The following CRYBG1 variants were observed in gnomAD, a reference collection of about 807,000 sequenced individuals.
CRYBG1 encodes the protein beta/gamma crystallin domain-containing protein 1.
CRYBG1 carries 139 observed loss-of-function variants against 189.2 expected under a neutral mutation model. The ratio of observed to expected loss-of-function variants is 0.73; its 90% CI spans 0.64 to 0.85. The LOEUF (loss-of-function observed/expected upper bound fraction) is 0.85, where lower values mean the gene tolerates loss of function less well. CRYBG1 is among the 40% of genes least tolerant of loss of function. CRYBG1 has a pLI of 0.00. For missense variants in CRYBG1, 2,611 were observed against 2,675.8 expected (o/e 0.98, Z 0.53); for synonymous variants, 1,023 against 1,017.1 (o/e 1.01, Z -0.11).
In CRYBG1 at chr6:106,457,978, TA is replaced by T. The variant is rs546394183; in HGVS notation, c.312+6151del. Reference sequence around the variant, plus strand: ...ATTAATAAACTATGGAAATATACATTAAAAACTAATAATAATTACATGTGGT... The same window carrying T: ...ATTAATAAACTATGGAAATATACATTAAAACTAATAATAATTACATGTGGT... On this transcript the variant is annotated intron_variant, in intron 2 of 21. Coordinates refer to ENST00000633556, the MANE Select transcript of CRYBG1 (RefSeq NM_001371242.2). 6.7e-3 allele frequency among the ~76,000 whole-genome samples: 1,025 copies of T among 152,346 alleles called. 11 individuals carry two copies. The highest frequency in any genetic ancestry group is 0.023 in the African/African-American group (957 of 41,586).
chr6:106,475,347 A>C (rs1772313517), intron 2 of CRYBG1, among the ~76,000 whole-genome samples: 1 of 152,214 alleles, frequency 6.6e-6, no homozygotes. Context: ...TACACGAAAA[A>C]GTTAAAACAG....
At chr6:106,456,683 T>C (rs1437412408) in intron 2 of CRYBG1, among the ~76,000 whole-genome samples, 5 of 152,204 alleles carry the variant, frequency 3.3e-5, no homozygotes, top group Non-Finnish European at 7.3e-5. Context: ...CTCTGTTTCA[T>C]TTCTCTTCTA....
intron 2 of CRYBG1, among the ~76,000 whole-genome samples, chr6:106,467,850 A>T (rs1772145118): frequency 6.6e-6 from 1 of 152,190 alleles, no homozygotes; most frequent in African/African-American, 2.4e-5. Flanking sequence ...ATATTGACAT[A>T]TTATGATATT....
intron 8 of CRYBG1, among the ~76,000 whole-genome samples, chr6:106,536,661 T>C (rs1774010386): frequency 6.6e-6 from 1 of 152,254 alleles, no homozygotes. Context: ...AGATGGCCAT[T>C]GTTATTACTT....
chr6:106,432,400 C>T (rs1771347159), intron 1 of CRYBG1, among the ~76,000 whole-genome samples: 1 of 152,210 alleles, frequency 6.6e-6, no homozygotes. Context: ...CACTCCCTTT[C>T]TCATTTCCTC....
At chr6:106,454,944 C>T (rs933125718) in intron 2 of CRYBG1, 2 of 152,230 alleles carry the variant, frequency 1.3e-5, no homozygotes, top group African/African-American at 4.8e-5. Flanking sequence ...AAGACATTTA[C>T]TATACCTGCT....
chr6:106,440,505 G>A (rs868616997), intron 1 of CRYBG1, among the ~76,000 whole-genome samples: 5 of 152,102 alleles, frequency 3.3e-5, no homozygotes, highest in African/African-American at 1.2e-4. Context: ...GATCTCAAGC[G>A]ATCCACCTGC....
intron 2 of CRYBG1, among the ~76,000 whole-genome samples, chr6:106,469,606 A>G (rs1323592778): frequency 3.3e-5 from 5 of 152,034 alleles, no homozygotes; most frequent in Non-Finnish European, 7.4e-5. Context: ...ATTTGGTTTG[A>G]TTTATTGATT....
chr6:106,520,560 G>A lies in CRYBG1; in HGVS notation c.3352G>A (p.Ala1118Thr), dbSNP rs150778380. Residue 1118 changes from alanine to threonine, a missense_variant, in exon 4 of 22, where the codon GCA becomes ACA. Ala to Thr is a moderately conservative substitution (Grantham distance 58, BLOSUM62 0). Around this residue, in one of 3 missense-constraint regions of CRYBG1, gnomAD observed 1,622 missense variants for 1,735.0 expected, o/e 0.93. Transcript: ENST00000633556. ...FTEIIKQMDSAVCMPMKRKKA... is the reference protein window; with the variant it reads ...FTEIIKQMDSTVCMPMKRKKA... ...TGAAATTATAAAACAGATGGATAGC[G>A]CAGTTTGTATGCCCATGAAAAGAAA... is the stretch of plus-strand genomic sequence containing the variant. 1.5e-4 allele frequency: 236 copies of A among 1,614,092 alleles called. No individual in the cohort carries two copies. The African/African-American group carries it at 2.8e-3, about 19-fold the overall frequency.
chr6:106,521,055 G>A lies in CRYBG1; in HGVS notation c.3847G>A (p.Val1283Met). The A allele has an allele frequency of 6.2e-7, 1 of 1,614,180 alleles. No individual in the cohort carries two copies. The highest frequency in any genetic ancestry group is 1.3e-5 in the African/African-American group (1 of 75,038). The change falls in exon 4 of 22, where the codon GTG becomes ATG. Residue 1283 changes from valine to methionine, a missense_variant. Physicochemically the swap from Val to Met is conservative, Grantham distance 21 (BLOSUM62 1). Coordinates refer to ENST00000633556, the MANE Select transcript of CRYBG1 (RefSeq NM_001371242.2). ...SQNGSLSQSS[V>M]SQPTTEGAPP... ...GAACGGTTCCCTATCTCAGTCTTCA[G>A]TGTCACAGCCCACGACTGAGGGTGC...
intron 1 of CRYBG1, among the ~76,000 whole-genome samples, chr6:106,437,849 C>T (rs1771490848): frequency 6.6e-6 from 1 of 152,146 alleles, no homozygotes; most frequent in African/African-American, 2.4e-5. Flanking sequence ...GCATTTAATT[C>T]TTTAGCCACC....
intron 2 of CRYBG1, among the ~76,000 whole-genome samples, chr6:106,504,948 TAA>T (rs200318829): frequency 1.8e-3 from 260 of 145,282 alleles, no homozygotes; most frequent in Non-Finnish European, 3.1e-3. Flanking sequence ...TGGAAGTTAT[TAA>T]AAAAAAAAAA....
chr6:106,499,039 T>C (rs1335696471), intron 2 of CRYBG1, among the ~76,000 whole-genome samples: 2 of 152,004 alleles, frequency 1.3e-5, no homozygotes, highest in Non-Finnish European at 2.9e-5. Flanking sequence ...AAATTAAGGA[T>C]AATTTATATA....
At chr6:106,565,389 A>G (rs1774852916) in intron 21 of CRYBG1, among the ~76,000 whole-genome samples, 1 of 152,092 alleles carries the variant, frequency 6.6e-6, no homozygotes, top group African/African-American at 2.4e-5. Flanking sequence ...TTTTCTGGAT[A>G]ATGGAGAACG....
intron 1 of CRYBG1, among the ~76,000 whole-genome samples, chr6:106,377,638 TATATATA>T (rs1562290460): frequency 6.9e-6 from 1 of 144,282 alleles, no homozygotes; most frequent in Non-Finnish European, 1.5e-5. Context: ...TATATATATA[TATATATA>T]TATTTTCATT....
rs374238219 is a variant in CRYBG1, at chr6:106,521,128, A to G, written c.3920A>G (p.Asn1307Ser). ...GAACAGTCAAATCTTCTGCCCGACA[A>G]CTCCTTAAAGGTCTTCAATTTCAAC... The part of the protein sequence containing the change: ...NKEQSNLLPD[N>S]SLKVFNFNSS... Residue 1307 changes from asparagine (N) to serine (S), a missense_variant, in exon 4 of 22, where the codon AAC (asparagine) becomes AGC (serine). Around this residue, in one of 3 missense-constraint regions of CRYBG1, gnomAD observed 1,622 missense variants for 1,735.0 expected, o/e 0.93. Coordinates refer to ENST00000633556, the MANE Select transcript of CRYBG1 (RefSeq NM_001371242.2). 1 of 1,613,754 alleles carries G rather than the reference A, an allele frequency of 6.2e-7. No individual in the cohort carries two copies. The highest frequency in any genetic ancestry group is 1.7e-5 in the Admixed American group (1 of 59,958).
chr6:106,405,949 A>G (rs1022242822), intron 1 of CRYBG1, among the ~76,000 whole-genome samples: 1 of 152,232 alleles, frequency 6.6e-6, no homozygotes, highest in African/African-American at 2.4e-5. Context: ...TGAAAATTCC[A>G]AAAACCAGGA....
rs118094909 is a variant in CRYBG1, at chr6:106,365,657, G to T, written c.173+4576G>T. Among the ~76,000 whole-genome samples the T allele has an allele frequency of 2.0e-4, 28 of 141,390 alleles. No individual in the cohort carries two copies. In the East Asian group the frequency reaches 5.8e-3, roughly 29 times the overall value. 92.8% of individuals were successfully genotyped at this position (141,390 alleles called of 152,430 possible). ...TCAAAAGCAGTGAATTATTTCCATT[G>T]AGTTCTTTGTTTAAGAACCTGTATT... On this transcript the variant is annotated intron_variant, in intron 1 of 21. Transcript: ENST00000633556.
intron 2 of CRYBG1, among the ~76,000 whole-genome samples, chr6:106,500,011 A>G (rs981087241): frequency 5.3e-5 from 8 of 152,168 alleles, no homozygotes; most frequent in Non-Finnish European, 1.5e-5. Flanking sequence ...CTTCTTTTTT[A>G]AGGCTGAATT....
Sources: allele counts gnomAD v4.1 joint callset (sites outside exome capture counted in the v4.1 genomes callset), GRCh38; gene constraint gnomAD v4.1.1; regional missense constraint gnomAD v4.1.1; transcripts MANE v1.5; gene names NCBI Gene and HGNC (gene_info 2026-07-23, HGNC 2026-07-21).